The following AFG1L variants were observed in gnomAD, a reference collection of about 807,000 sequenced individuals.
AFG1L encodes AFG1-like ATPase.
In AFG1L, 53 loss-of-function variants were observed where a neutral mutation model predicts 62.2. The observed-to-expected ratio is 0.85, with a 90% CI of 0.68 to 1.07. The LOEUF is 1.07. Ranked by LOEUF, AFG1L falls within the 50% of genes least tolerant of loss-of-function variation. The pLI is 0.00. For synonymous variants in AFG1L, 228 were observed against 210.3 expected (o/e 1.08, Z -0.73); for missense variants, 555 against 590.5 (o/e 0.94, Z 0.62).
At position 108,305,361 on chromosome 6, in the gene AFG1L, G is replaced by C. The variant is rs76734556; in HGVS notation, c.139+10143G>C. Among the ~76,000 whole-genome samples the C allele has an allele frequency of 9.0e-3, 1,365 of 152,258 alleles. 13 individuals are homozygous for C. The highest frequency in any genetic ancestry group is 0.013 in the Non-Finnish European group (891 of 68,016). ...TCACTACCTTTCCTCTGGATACTCTGAACACCTAGAGGTTCTTAGAAATTA... is the reference window on the plus strand; with the variant it reads ...TCACTACCTTTCCTCTGGATACTCTCAACACCTAGAGGTTCTTAGAAATTA... On this transcript the variant is annotated intron_variant, in intron 1 of 12. Transcript: ENST00000368977.
chr6:108,378,059 G>A (rs1780327515), intron 6 of AFG1L, among the ~76,000 whole-genome samples: 1 of 148,442 alleles, frequency 6.7e-6, no homozygotes, highest in Admixed American at 6.7e-5. Flanking sequence ...GTCAGATTGG[G>A]TTCGTTCAAA....
At chr6:108,516,639 A>G (rs1325501738) in intron 11 of AFG1L, among the ~76,000 whole-genome samples, 2 of 152,228 alleles carry the variant, frequency 1.3e-5, no homozygotes, top group African/African-American at 4.8e-5. Context: ...ATAGTGTTGG[A>G]AGTTCTGGCC....
At position 108,516,790 on chromosome 6, in the gene AFG1L, C is replaced by T. The variant is rs539930094; in HGVS notation, c.1204-2907C>T. Among the ~76,000 whole-genome samples, 32 of 152,276 alleles carry T rather than the reference C, an allele frequency of 2.1e-4. No homozygotes were observed. In the East Asian group the frequency reaches 6.2e-3, roughly 29 times the overall value. On this transcript the variant is annotated intron_variant, in intron 11 of 12. Transcript: ENST00000368977. Reference sequence around the variant, plus strand: ...CCCAAAATCTCCTTAAGCCGATAAGCAACTTCAGCAAAGTCTCAGGATACA... The same window carrying T: ...CCCAAAATCTCCTTAAGCCGATAAGTAACTTCAGCAAAGTCTCAGGATACA...
In AFG1L at chr6:108,366,340, C is replaced by T. The variant is rs1779758715; in HGVS notation, c.748+8C>T. ...CCAACAGGCCACCGGAAGGTAAAAA[C>T]AAACATTGTGCTAGTCTCATCCAAT... On this transcript the variant is annotated splice_region_variant and intron_variant, in intron 6 of 12. Transcript: ENST00000368977. The T allele has an allele frequency of 6.3e-7, 1 of 1,588,834 alleles. No individual in the cohort carries two copies. The highest frequency in any genetic ancestry group is 8.6e-7 in the Non-Finnish European group (1 of 1,158,106).
At chr6:108,320,864 G>A (rs1777790036) in intron 1 of AFG1L, among the ~76,000 whole-genome samples, 1 of 152,150 alleles carries the variant, frequency 6.6e-6, no homozygotes, top group Non-Finnish European at 1.5e-5. Flanking sequence ...ATCGATGATT[G>A]ATTGGCTGAG....
chr6:108,390,878 A>G (rs1044765190), intron 6 of AFG1L, among the ~76,000 whole-genome samples: 1 of 151,608 alleles, frequency 6.6e-6, no homozygotes, highest in Admixed American at 6.6e-5. Flanking sequence ...GAGAACCACT[A>G]CTCTCTTCAA....
At chr6:108,331,079 G>A (rs1044121465) in intron 2 of AFG1L, among the ~76,000 whole-genome samples, 1 of 152,034 alleles carries the variant, frequency 6.6e-6, no homozygotes, top group Non-Finnish European at 1.5e-5. Context: ...CTTGAGGCCA[G>A]GAGTTTGAGA....
intron 6 of AFG1L, among the ~76,000 whole-genome samples, chr6:108,397,445 C>T (rs546055226): frequency 2.0e-5 from 3 of 151,686 alleles, no homozygotes; most frequent in Admixed American, 6.6e-5. Flanking sequence ...TTAGTAGAGA[C>T]GGGATTTCAC....
intron 3 of AFG1L, among the ~76,000 whole-genome samples, chr6:108,354,687 G>A (rs188586644): frequency 7.9e-5 from 12 of 152,148 alleles, no homozygotes; most frequent in Non-Finnish European, 1.6e-4. Flanking sequence ...CTAGACAAAG[G>A]GATGATTTAT....
intron 7 of AFG1L, among the ~76,000 whole-genome samples, chr6:108,440,179 A>G (rs905918853): frequency 1.3e-5 from 2 of 152,054 alleles, no homozygotes. Context: ...AAAAAGATAC[A>G]TTTTTATTTT....
chr6:108,458,492 T>G lies in AFG1L; in HGVS notation c.890+11196T>G, dbSNP rs569877894. Among the ~76,000 whole-genome samples, 6 of 152,268 alleles carry G rather than the reference T, an allele frequency of 3.9e-5. 1 individual carries two copies. In the South Asian group the frequency reaches 1.2e-3, roughly 32 times the overall value. On this transcript the variant is annotated intron_variant, in intron 8 of 12. Coordinates refer to ENST00000368977, the MANE Select transcript of AFG1L (RefSeq NM_145315.5). ...TGGGTTTCTTTCCCTTTTCTTTTCT[T>G]TTTTAAAAGGCAAAGTCTTGCTATG...
At chr6:108,409,545 A>C (rs1283558) in intron 7 of AFG1L, among the ~76,000 whole-genome samples, 3,384 of 152,216 alleles carry the variant, frequency 0.022, 118 homozygotes, top group African/African-American at 0.074. Context: ...AAATGGGAGA[A>C]TTTTTCAGGT....
chr6:108,388,447 T>C (rs918154250), intron 6 of AFG1L, among the ~76,000 whole-genome samples: 13 of 152,222 alleles, frequency 8.5e-5, no homozygotes, highest in Non-Finnish European at 1.9e-4. Flanking sequence ...CTTGCTTTTC[T>C]AGTTCTTTTA....
At chr6:108,326,271 C>T (rs1179995184) in intron 2 of AFG1L, among the ~76,000 whole-genome samples, 1 of 152,188 alleles carries the variant, frequency 6.6e-6, no homozygotes, top group Non-Finnish European at 1.5e-5. Context: ...CAGGACCTTA[C>T]TCTGTTGCCA....
intron 1 of AFG1L, among the ~76,000 whole-genome samples, chr6:108,305,007 A>G (rs1009703158): frequency 1.7e-4 from 26 of 152,342 alleles, no homozygotes; most frequent in African/African-American, 5.5e-4. Flanking sequence ...CCTTCCTTGC[A>G]GGTAATTTAT....
Position 108,355,734 on chromosome 6 carries a change from T to C in AFG1L, c.496T>C (p.Phe166Leu). Residue 166 changes from phenylalanine to leucine, a missense_variant, in exon 4 of 13, where the codon TTC becomes CTC. Coordinates refer to ENST00000368977, the MANE Select transcript of AFG1L (RefSeq NM_145315.5). ...GAAAAAACGGGTTCATTTTCATGGT[T>C]TCATGCTAGATGTGCACAAAAGTAA... ...KRKKRVHFHG[F>L]MLDVHKRIHR... is the part of the protein sequence containing the mutation. 1 of 1,610,080 alleles carries C rather than the reference T, an allele frequency of 6.2e-7. No individual in the cohort carries two copies. The highest frequency in any genetic ancestry group is 8.5e-7 in the Non-Finnish European group (1 of 1,178,038).
At chr6:108,456,829 G>T (rs1366538347) in intron 8 of AFG1L, among the ~76,000 whole-genome samples, 2 of 151,984 alleles carry the variant, frequency 1.3e-5, no homozygotes, top group African/African-American at 2.4e-5. Context: ...TATTTTTATT[G>T]TATCTTTTCT....
Position 108,513,572 on chromosome 6 carries a change from G to A in AFG1L, c.1203+3220G>A, listed in dbSNP as rs566790895. 4.2e-4 allele frequency among the ~76,000 whole-genome samples: 64 copies of A among 152,314 alleles called. No homozygotes were observed. The South Asian group carries it at 0.012, about 29-fold the overall frequency. On this transcript the variant is annotated intron_variant, in intron 11 of 12. Coordinates refer to ENST00000368977, the MANE Select transcript of AFG1L (RefSeq NM_145315.5). ...GCGGCAGCGAGGATGGTGGAGGGGC[G>A]CCTACCACTGCCAAGGCTTGAGTAG...
At chr6:108,495,395 C>A (rs1309018717) in intron 10 of AFG1L, among the ~76,000 whole-genome samples, 1 of 152,122 alleles carries the variant, frequency 6.6e-6, no homozygotes, top group Non-Finnish European at 1.5e-5. Flanking sequence ...AAATCATAAT[C>A]GTCCTACTTC....
Sources: gnomAD v4.1 joint callset for allele counts (sites outside exome capture counted in the v4.1 genomes callset) on GRCh38, gnomAD v4.1.1 for gene constraint, MANE v1.5 for transcripts, NCBI Gene and HGNC (gene_info 2026-07-23, HGNC 2026-07-21) for gene names.